The following HIVEP3 variants were observed in gnomAD, a reference collection of about 807,000 sequenced individuals.
The protein encoded by HIVEP3 is HIVEP zinc finger 3.
In HIVEP3, 49 loss-of-function variants were observed where a neutral mutation model predicts 152.8. That is an observed-to-expected ratio of 0.32 (90% confidence interval 0.26 to 0.41). HIVEP3 has a LOEUF of 0.41. Among genes scored for constraint, HIVEP3 ranks in the 10% least tolerant of loss-of-function variants. The pLI, the probability that HIVEP3 is intolerant of heterozygous loss-of-function variation, is 1.00. For missense variants in HIVEP3, 2,790 were observed against 3,103.3 expected, an observed-to-expected ratio of 0.90 and a Z score of 2.40; for synonymous variants, 1,269 against 1,289.0, an observed-to-expected ratio of 0.98 and a Z score of 0.33.
At chr1:42,025,290 T>C (rs1645575759) in intron 1 of HIVEP3, among the ~76,000 whole-genome samples, 1 of 152,272 alleles carries the variant, frequency 6.6e-6, no homozygotes, top group African/African-American at 2.4e-5. Flanking sequence ...TTTTGTCATA[T>C]GTGCTGTCTA....
At chr1:41,760,839 C>T (rs7550973) in intron 1 of HIVEP3, among the ~76,000 whole-genome samples, 52,572 of 151,926 alleles carry the variant, frequency 0.35, 9,317 homozygotes, top group East Asian at 0.46. Context: ...CCTGGTCTCC[C>T]CAGCCTTCCT....
At chr1:41,987,822 C>T (rs1215577775) in intron 1 of HIVEP3, among the ~76,000 whole-genome samples, 1 of 152,140 alleles carries the variant, frequency 6.6e-6, no homozygotes, top group Non-Finnish European at 1.5e-5. Flanking sequence ...AGGAAACTTA[C>T]AATTATGGCG....
At chr1:41,620,199 T>C (rs1000673567) in intron 3 of HIVEP3, among the ~76,000 whole-genome samples, 1 of 152,188 alleles carries the variant, frequency 6.6e-6, no homozygotes, top group Admixed American at 6.5e-5. Context: ...TCCTGACAGG[T>C]GGCACAGGTG....
At chr1:41,577,339 A>G (rs892270030) in intron 4 of HIVEP3, among the ~76,000 whole-genome samples, 2 of 152,176 alleles carry the variant, frequency 1.3e-5, no homozygotes, top group Admixed American at 6.5e-5. Context: ...TATTATCCCT[A>G]TTTTACAGAG....
At chr1:41,569,386 A>C (rs924114841) in intron 5 of HIVEP3, among the ~76,000 whole-genome samples, 2 of 152,208 alleles carry the variant, frequency 1.3e-5, no homozygotes, top group African/African-American at 4.8e-5. Context: ...AGGTTCTTAG[A>C]GTGGCTTACT....
At chr1:41,681,954 C>T (rs988657622) in intron 2 of HIVEP3, among the ~76,000 whole-genome samples, 3 of 152,206 alleles carry the variant, frequency 2.0e-5, no homozygotes, top group African/African-American at 4.8e-5. Context: ...CTTCCTCTAA[C>T]GCTATCCCTG....
chr1:41,676,060 C>CA (rs1645949965), intron 2 of HIVEP3, among the ~76,000 whole-genome samples: 1 of 147,292 alleles, frequency 6.8e-6, no homozygotes, highest in South Asian at 2.1e-4. Flanking sequence ...TCTTTTCTTT[C>CA]TTTTTTTTTT....
intron 2 of HIVEP3, among the ~76,000 whole-genome samples, chr1:41,663,874 A>G (rs1006224794): frequency 1.3e-5 from 2 of 152,138 alleles, no homozygotes; most frequent in South Asian, 4.1e-4. Context: ...ATCAGCTCCC[A>G]GGGCCCAATC....
chr1:41,825,196 TA>T (rs759326868), intron 1 of HIVEP3, among the ~76,000 whole-genome samples: 3 of 151,894 alleles, frequency 2.0e-5, no homozygotes, highest in Non-Finnish European at 4.4e-5. Flanking sequence ...TTTTTGCGGG[TA>T]GGGGGATGGA....
Position 41,533,460 on chromosome 1 carries a change from T to C in HIVEP3, c.5208-8550A>G, listed in dbSNP as rs2149064281. 6.6e-6 allele frequency among the ~76,000 whole-genome samples: 1 copy of C among 152,270 alleles called. No individual in the cohort carries two copies. The highest frequency in any genetic ancestry group is 3.4e-3 in the Middle Eastern group (1 of 294). On this transcript the variant is annotated intron_variant, in intron 5 of 8. Coordinates refer to ENST00000372583, the MANE Select transcript of HIVEP3 (RefSeq NM_024503.5). This position sits in a 1 kb window ranked among gnomAD's most constrained non-coding sequence, Gnocchi z 4.3. ...GGCCCAAATCCCGGGCCAGCTCTGC[T>C]GTCCCTCTTTCCTGCACAGCCCGGA...
In HIVEP3 at chr1:41,524,946, AAGG is replaced by A. The variant is rs528437824; in HGVS notation, c.5208-39_5208-37del. On this transcript the variant is annotated intron_variant, in intron 5 of 8. Transcript: ENST00000372583. Reference sequence around the variant, plus strand: ...CAGGCGTCATAGTAAAGGGAAAAAAAAGGAGAAGAGGCAGGTTCCCACCTCAGA... The same window carrying A: ...CAGGCGTCATAGTAAAGGGAAAAAAAAGAAGAGGCAGGTTCCCACCTCAGA... 1.4e-3 allele frequency: 2,178 copies of A among 1,589,342 alleles called. 3 individuals are homozygous for A. The highest frequency in any genetic ancestry group is 1.6e-3 in the Non-Finnish European group (1,895 of 1,161,388).
intron 2 of HIVEP3, among the ~76,000 whole-genome samples, chr1:41,694,283 C>G (rs1380109108): frequency 1.3e-5 from 2 of 152,164 alleles, no homozygotes; most frequent in African/African-American, 2.4e-5. Context: ...TTTCTAATCT[C>G]TCCCCACTCA....
At chr1:41,822,277 A>G (rs1642629350) in intron 1 of HIVEP3, among the ~76,000 whole-genome samples, 1 of 152,312 alleles carries the variant, frequency 6.6e-6, no homozygotes, top group South Asian at 2.1e-4. Context: ...TTCTGAAAGA[A>G]CAGTAGTATA....
intron 5 of HIVEP3, among the ~76,000 whole-genome samples, chr1:41,559,598 C>T (rs1455955035): frequency 6.6e-6 from 1 of 152,192 alleles, no homozygotes; most frequent in Non-Finnish European, 1.5e-5. Context: ...ATCTCCTTGC[C>T]ATCAAGACAG....
At chr1:41,787,553 T>A (rs349418) in intron 1 of HIVEP3, among the ~76,000 whole-genome samples, 28,988 of 145,678 alleles carry the variant, frequency 0.2, 7,448 homozygotes, top group African/African-American at 0.61. Context: ...TTTTTTTTTT[T>A]AATGGGATTT....
At chr1:41,764,027 C>T (rs555858990) in intron 1 of HIVEP3, among the ~76,000 whole-genome samples, 1 of 151,662 alleles carries the variant, frequency 6.6e-6, no homozygotes, top group Admixed American at 6.6e-5. Context: ...GGAGAGCAGA[C>T]AAGCACAGGA....
Position 41,509,427 on chromosome 1 carries a change from C to T in HIVEP3, c.*1024G>A, listed in dbSNP as rs1644417135. 1 of 152,178 alleles carries T rather than the reference C, an allele frequency of 6.6e-6. No individual in the cohort carries two copies. The allele number at this position is 152,178 out of a possible 1,614,324, so 9.4% of individuals were successfully genotyped here. ...CATGAGGGGAACAGGCTCCCTTGTA[C>T]CCCAGGGACCAAGATGAAACAAAAC... On this transcript the variant is annotated 3_prime_UTR_variant, in exon 9 of 9. Transcript: ENST00000372583.
intron 6 of HIVEP3, among the ~76,000 whole-genome samples, chr1:41,524,111 G>A (rs1346349121): frequency 6.6e-6 from 1 of 152,146 alleles, no homozygotes; most frequent in East Asian, 1.9e-4. Context: ...ACCAGTGACT[G>A]CCAGAGCCTA....
Position 41,526,446 on chromosome 1 carries a change from TCA to T in HIVEP3, c.5208-1538_5208-1537del, listed in dbSNP as rs1278989363. ...CACACTCACCCTCATACGCTCACCC[TCA>T]CACACATGCTCACACCCCCACACTC... On this transcript the variant is annotated intron_variant, in intron 5 of 8. Transcript: ENST00000372583. Among the ~76,000 whole-genome samples, 90 of 64,678 alleles carry T rather than the reference TCA, an allele frequency of 1.4e-3. 1 individual carries two copies. Among genetic ancestry groups the T allele is most frequent in the African/African-American group, 5.1e-3 (82 of 16,010 alleles). The allele number at this position is 64,678 out of a possible 152,430, so 42.4% of individuals were successfully genotyped here. A position where few individuals can be genotyped will look rare whatever the true frequency, so the allele number is the denominator to read the frequency against.
Sources: gnomAD v4.1 joint callset for allele counts (sites outside exome capture counted in the v4.1 genomes callset) on GRCh38, gnomAD v4.1.1 for gene constraint, Gnocchi (gnomAD v3.1) non-coding constraint, MANE v1.5 for transcripts, NCBI Gene and HGNC (gene_info 2026-07-23, HGNC 2026-07-21) for gene names.